The following ARHGEF6 variants were observed in gnomAD, a reference collection of about 807,000 sequenced individuals.
ARHGEF6 encodes the protein rho guanine nucleotide exchange factor 6.
ARHGEF6 carries 9 observed loss-of-function variants against 70.3 expected under a neutral mutation model. That is an observed-to-expected ratio of 0.13 (90% CI 0.08 to 0.22). ARHGEF6 has a LOEUF of 0.22. ARHGEF6 is among the 10% of genes least tolerant of loss of function. The probability of loss-of-function intolerance (pLI) is 1.00; values close to 1 mark genes in which losing one functional copy is unlikely to be tolerated. For missense variants in ARHGEF6, 470 were observed against 563.0 expected, an observed-to-expected ratio of 0.83 and a Z score of 1.67; for synonymous variants, 201 against 207.8, an observed-to-expected ratio of 0.97 and a Z score of 0.28.
intron 20 of ARHGEF6, among the ~76,000 whole-genome samples, chrX:136,671,398 GTTTAGACAAATGAATTATTTGGCTAC>G (rs769791095): frequency 1.8e-5 from 2 of 112,396 alleles, no homozygotes; most frequent in Non-Finnish European, 3.8e-5. Context: ...AATGACTCAA[GTTTAGACAAATGAATTATTTGGCTAC>G]TTTGTGTTAA....
chrX:136,700,216 A>C, intron 9 of ARHGEF6, among the ~76,000 whole-genome samples: 1 of 111,603 alleles, frequency 9.0e-6, no homozygotes, highest in African/African-American at 3.3e-5. Flanking sequence ...CTATTTAAGA[A>C]GGAGTTCTTA....
intron 11 of ARHGEF6, 78 bp from the exon 12 acceptor site, chrX:136,685,901 C>T: frequency 2.8e-6 from 3 of 1,083,094 alleles, no homozygotes; most frequent in Non-Finnish European, 3.8e-6. Context: ...TAAGATGTGG[C>T]TTCTGACTCT....
chrX:136,733,043 T>C (rs1022627063), intron 5 of ARHGEF6, among the ~76,000 whole-genome samples: 3 of 111,038 alleles, frequency 2.7e-5, no homozygotes, highest in Non-Finnish European at 5.7e-5. Context: ...CACTGCGTTG[T>C]AAAATACTGC....
intron 11 of ARHGEF6, among the ~76,000 whole-genome samples, chrX:136,686,709 C>CATATATATAT (rs35706788): frequency 6.3e-5 from 4 of 63,139 alleles, no homozygotes; most frequent in Non-Finnish European, 1.2e-4. Flanking sequence ...TATATATATA[C>CATATATATAT]ATATATATAT....
intron 2 of ARHGEF6, among the ~76,000 whole-genome samples, chrX:136,751,524 G>A (rs1158864474): frequency 9.0e-6 from 1 of 111,573 alleles, no homozygotes; most frequent in East Asian, 2.8e-4. Flanking sequence ...CTGAATGTTT[G>A]TGCCCTTCCC....
intron 20 of ARHGEF6, among the ~76,000 whole-genome samples, chrX:136,671,761 G>A (rs1907334380): frequency 8.9e-6 from 1 of 112,301 alleles, no homozygotes; most frequent in African/African-American, 3.2e-5. Flanking sequence ...CAGCTTACTG[G>A]ATGGGGAGCT....
intron 5 of ARHGEF6, 108 bp from the exon 6 acceptor site, chrX:136,732,280 T>C (rs1481754960): frequency 2.3e-5 from 14 of 603,614 alleles, no homozygotes; most frequent in Non-Finnish European, 3.6e-5. Flanking sequence ...GAAGGATCAA[T>C]GGAAATGTAC....
In ARHGEF6 at chrX:136,683,914, CCT is replaced by C. The variant is rs764434427; in HGVS notation, c.1393-1072_1393-1071del. Among the ~76,000 whole-genome samples, 6 of 111,964 alleles carry C rather than the reference CCT, an allele frequency of 5.4e-5. No individual in the cohort carries two copies. In the East Asian group the frequency reaches 1.4e-3, roughly 26 times the overall value. ...ATCCTCTTCTCTTTTACTAGCTGTT[CCT>C]CTTTTTCTTTAACATATGTACACCT... is the stretch of plus-strand genomic sequence containing the variant. On this transcript the variant is annotated intron_variant, in intron 12 of 21. Coordinates refer to ENST00000250617, the MANE Select transcript of ARHGEF6 (RefSeq NM_004840.3).
At chrX:136,741,179 TG>T (rs2077037908) in intron 5 of ARHGEF6, among the ~76,000 whole-genome samples, 2 of 111,823 alleles carry the variant, frequency 1.8e-5, no homozygotes, top group Admixed American at 1.9e-4. Context: ...CTCCTAACTC[TG>T]GTTGTCGGGG....
At chrX:136,742,267 C>T (rs1299767463) in intron 5 of ARHGEF6, among the ~76,000 whole-genome samples, 1 of 111,132 alleles carries the variant, frequency 9.0e-6, no homozygotes, top group Non-Finnish European at 1.9e-5. Context: ...TGCAGCAAGC[C>T]GAGATTGCGC....
In ARHGEF6 at chrX:136,667,692, G is replaced by GA. The variant is rs112146760; in HGVS notation, c.*336dup. ...AGGCACTGTGAACTGAAGGCAATCT[G>GA]AAGACCTTTTAAGTAACTGGCCTGC... On this transcript the variant is annotated 3_prime_UTR_variant, in exon 22 of 22. Coordinates refer to ENST00000250617, the MANE Select transcript of ARHGEF6 (RefSeq NM_004840.3). 1.1e-5 allele frequency: 3 copies of GA among 275,666 alleles called. No individual in the cohort carries two copies. Among genetic ancestry groups the GA allele is most frequent in the African/African-American group, 5.5e-5 (2 of 36,223 alleles). The allele number at this position is 275,666 out of a possible 1,213,427, so 22.7% of individuals were successfully genotyped here.
chrX:136,742,404 A>G (rs1025158891), intron 5 of ARHGEF6, among the ~76,000 whole-genome samples: 1 of 112,158 alleles, frequency 8.9e-6, no homozygotes, highest in Non-Finnish European at 1.9e-5. Flanking sequence ...AAATTTTATT[A>G]ATTAATTAAT....
chrX:136,704,711 T>A (rs1014284195), intron 9 of ARHGEF6, among the ~76,000 whole-genome samples: 1 of 111,475 alleles, frequency 9.0e-6, no homozygotes, highest in Non-Finnish European at 1.9e-5. Flanking sequence ...AAGAACAGCT[T>A]GGGGAAAACC....
At chrX:136,688,709 A>G (rs975818470) in intron 10 of ARHGEF6, among the ~76,000 whole-genome samples, 1 of 111,884 alleles carries the variant, frequency 8.9e-6, no homozygotes, top group Admixed American at 9.5e-5. Flanking sequence ...AGAAAAATCA[A>G]TCTAATTCCA....
At chrX:136,748,532 A>G (rs5974624) in intron 2 of ARHGEF6, among the ~76,000 whole-genome samples, 1,382 of 112,381 alleles carry the variant, frequency 0.012, 23 homozygotes, top group African/African-American at 0.042. Context: ...ATGCACAGGT[A>G]CAATCTATTA....
At chrX:136,717,008 A>G (rs1222956966) in intron 6 of ARHGEF6, among the ~76,000 whole-genome samples, 1 of 112,029 alleles carries the variant, frequency 8.9e-6, no homozygotes, top group Non-Finnish European at 1.9e-5. Context: ...CATTCATGTA[A>G]TGTGGAAATA....
chrX:136,745,274 C>T lies in ARHGEF6; in HGVS notation c.408G>A (p.Gln136=). The T allele has an allele frequency of 8.3e-7, 1 of 1,211,749 alleles. No individual in the cohort carries two copies. Among genetic ancestry groups the T allele is most frequent in the Non-Finnish European group, 1.1e-6 (1 of 895,329 alleles). Residue 136 remains glutamine, a synonymous_variant, in exon 4 of 22, where the codon CAG becomes CAA. Transcript: ENST00000250617. ...SAANTSQTNP[Q]GAVSSTVSGL... ...CTGAAACTGTGCTAGAAACTGCTCC[C>T]TGTGGGTTTGTCTGAGAAGTATTAG... is the stretch of plus-strand genomic sequence containing the variant.
In ARHGEF6 at chrX:136,721,523, A is replaced by G. The variant is rs1417061246; in HGVS notation, c.733-8153T>C. Among the ~76,000 whole-genome samples, 12 of 111,593 alleles carry G rather than the reference A, an allele frequency of 1.1e-4. No homozygotes were observed. The East Asian group carries it at 3.3e-3, about 31-fold the overall frequency. On this transcript the variant is annotated intron_variant, in intron 6 of 21. Coordinates refer to ENST00000250617, the MANE Select transcript of ARHGEF6 (RefSeq NM_004840.3). ...GGTTGCAGTGAGCCAGAATCACACC[A>G]CTGCACTCCAGTCTGAGTGACAGAG...
chrX:136,668,533 C>A (rs12859699), intron 21 of ARHGEF6, among the ~76,000 whole-genome samples: 19,705 of 98,222 alleles, frequency 0.2, 2,204 homozygotes, highest in Non-Finnish European at 0.28. Flanking sequence ...TCTTCTTCTT[C>A]TTATTATTAT....
Sources: gnomAD v4.1 joint callset for allele counts (sites outside exome capture counted in the v4.1 genomes callset) on GRCh38, gnomAD v4.1.1 for gene constraint, MANE v1.5 for transcripts, NCBI Gene and HGNC (gene_info 2026-07-23, HGNC 2026-07-21) for gene names.